Variants in UNC13C observed in about 807,000 individuals in gnomAD.
UNC13C encodes the protein protein unc-13 homolog C.
UNC13C carries 174 observed loss-of-function variants against 245.4 expected under a neutral mutation model. The ratio of observed to expected loss-of-function variants is 0.71; its 90% CI spans 0.63 to 0.80. The LOEUF (loss-of-function observed/expected upper bound fraction) is 0.80, where lower values mean the gene tolerates loss of function less well. Among genes scored for constraint, UNC13C ranks in the 30% least tolerant of loss-of-function variants. The probability of loss-of-function intolerance (pLI) is 0.00; values close to 1 mark genes in which losing one functional copy is unlikely to be tolerated. For missense variants in UNC13C, 2,829 were observed against 2,602.9 expected, an observed-to-expected ratio of 1.09 and a Z score of -1.89; for synonymous variants, 992 against 895.1, an observed-to-expected ratio of 1.11 and a Z score of -1.93.
chr15:54,401,282 T>A (rs1263762773), intron 18 of UNC13C, among the ~76,000 whole-genome samples: 1 of 152,134 alleles, frequency 6.6e-6, no homozygotes, highest in African/African-American at 2.4e-5. Context: ...CCAGTCACCG[T>A]GCAAGGCTAG....
intron 7 of UNC13C, among the ~76,000 whole-genome samples, chr15:54,239,878 A>G (rs1216422950): frequency 6.6e-6 from 1 of 152,240 alleles, no homozygotes; most frequent in East Asian, 1.9e-4. Flanking sequence ...ATCTCAAAGC[A>G]TCTAGTCTTC....
chr15:54,377,853 G>A (rs1596304124), intron 17 of UNC13C, among the ~76,000 whole-genome samples: 2 of 152,254 alleles, frequency 1.3e-5, no homozygotes, highest in Middle Eastern at 6.8e-3. Context: ...TGGTGATTAG[G>A]TATCAATGTA....
chr15:54,366,440 A>G (rs2039367536), intron 17 of UNC13C, among the ~76,000 whole-genome samples: 1 of 152,200 alleles, frequency 6.6e-6, no homozygotes, highest in Non-Finnish European at 1.5e-5. Flanking sequence ...TTTCTACCTG[A>G]AAACATTTTA....
chr15:54,227,705 G>A (rs116416912), intron 4 of UNC13C, among the ~76,000 whole-genome samples: 4,676 of 152,264 alleles, frequency 0.031, 240 homozygotes, highest in African/African-American at 0.1. Context: ...GGGGCTTCCC[G>A]GGCCCCCAAG....
Position 54,012,812 on chromosome 15 carries a change from C to T in UNC13C, c.-92C>T. On this transcript the variant is annotated 5_prime_UTR_variant, in exon 2 of 33. Coordinates refer to ENST00000260323, the MANE Select transcript of UNC13C (RefSeq NM_001080534.3). ...CTCTTTCCAGTGATTCACAGAACTT[C>T]TGAACAGTGATGCTTGCCTTGGATT... The T allele has an allele frequency of 9.8e-7, 1 of 1,022,138 alleles. No individual in the cohort carries two copies. The highest frequency in any genetic ancestry group is 1.6e-5 in the South Asian group (1 of 61,434). The allele number at this position is 1,022,138 out of a possible 1,614,324, so 63.3% of individuals were successfully genotyped here. A position where few individuals can be genotyped will look rare whatever the true frequency, so the allele number is the denominator to read the frequency against.
chr15:54,045,106 T>G (rs1187866275), intron 2 of UNC13C, among the ~76,000 whole-genome samples: 1 of 152,166 alleles, frequency 6.6e-6, no homozygotes, highest in Non-Finnish European at 1.5e-5. Context: ...ATTTTTTCTT[T>G]TTTTGCTTGT....
chr15:54,137,163 A>C (rs567898865), intron 2 of UNC13C, among the ~76,000 whole-genome samples: 2 of 152,214 alleles, frequency 1.3e-5, no homozygotes, highest in Non-Finnish European at 2.9e-5. Flanking sequence ...ATTGATTTGC[A>C]TTCCTTGAAA....
chr15:54,461,852 G>T (rs1891862707), intron 19 of UNC13C, among the ~76,000 whole-genome samples: 1 of 152,174 alleles, frequency 6.6e-6, no homozygotes. Context: ...GAGGAGATTT[G>T]AGGGGTTGTT....
intron 5 of UNC13C, 38 bp downstream of exon 5, chr15:54,235,146 G>A (rs2035658576): frequency 6.3e-7 from 1 of 1,583,490 alleles, no homozygotes; most frequent in Non-Finnish European, 8.7e-7. Flanking sequence ...GATTGCATGT[G>A]TGGTTTTTTT....
At chr15:53,924,361 A>G in the UNC13C span, among the ~76,000 whole-genome samples, 1 of 152,196 alleles carries the variant, frequency 6.6e-6, no homozygotes, top group Non-Finnish European at 1.5e-5. Context: ...TCAGCTCTTC[A>G]TTTGTAAAAA....
chr15:54,133,321 A>G (rs1175470459), intron 2 of UNC13C, among the ~76,000 whole-genome samples: 2 of 152,210 alleles, frequency 1.3e-5, no homozygotes, highest in South Asian at 2.1e-4. Flanking sequence ...CAGGAGACAC[A>G]CATATATTAT....
At chr15:54,096,548 C>T (rs1899874551) in intron 2 of UNC13C, among the ~76,000 whole-genome samples, 1 of 152,024 alleles carries the variant, frequency 6.6e-6, no homozygotes, top group Non-Finnish European at 1.5e-5. Context: ...TGGATTATGC[C>T]CCATTCTGAT....
At chr15:54,487,146 A>G (rs976067713) in intron 19 of UNC13C, among the ~76,000 whole-genome samples, 4 of 152,132 alleles carry the variant, frequency 2.6e-5, no homozygotes, top group Admixed American at 6.5e-5. Flanking sequence ...GAGTGTATCT[A>G]TGAGGTATGT....
At chr15:54,050,704 G>A (rs1897239280) in intron 2 of UNC13C, 2 of 556,452 alleles carry the variant, frequency 3.6e-6, no homozygotes, top group South Asian at 2.8e-5. Flanking sequence ...GATCTATAGG[G>A]TAAATATCAT....
At chr15:53,909,545 A>G in the UNC13C span, among the ~76,000 whole-genome samples, 4 of 145,986 alleles carry the variant, frequency 2.7e-5, no homozygotes, top group African/African-American at 9.8e-5. Flanking sequence ...CGAGGTCAGG[A>G]GATCGAGAGC....
the UNC13C span, chr15:53,955,776 A>G: frequency 1.3e-5 from 2 of 152,164 alleles, no homozygotes; most frequent in African/African-American, 2.4e-5. Context: ...TACCTTCCCC[A>G]TTCTGATGCC....
At chr15:54,596,090 C>A (rs1899066130) in intron 30 of UNC13C, among the ~76,000 whole-genome samples, 1 of 152,080 alleles carries the variant, frequency 6.6e-6, no homozygotes, top group Non-Finnish European at 1.5e-5. Flanking sequence ...TGGTCCAAAA[C>A]CCAGCATGAC....
chr15:54,072,420 G>T (rs1451750152), intron 2 of UNC13C, among the ~76,000 whole-genome samples: 1 of 152,152 alleles, frequency 6.6e-6, no homozygotes. Context: ...AAAAGGCCTG[G>T]TAGCTGAGGC....
intron 4 of UNC13C, among the ~76,000 whole-genome samples, chr15:54,207,042 G>T (rs2034735728): frequency 6.6e-6 from 1 of 152,058 alleles, no homozygotes; most frequent in African/African-American, 2.4e-5. Context: ...GGATCTCACA[G>T]TAGCAGAGAG....
Sources: gnomAD v4.1 joint callset for allele counts (sites outside exome capture counted in the v4.1 genomes callset) on GRCh38, gnomAD v4.1.1 for gene constraint, MANE v1.5 for transcripts, NCBI Gene and HGNC (gene_info 2026-07-23, HGNC 2026-07-21) for gene names.